The following MAX variants were observed in gnomAD, a reference collection of about 807,000 sequenced individuals.
MAX encodes the protein protein max.
Under a neutral mutation model 22.3 loss-of-function variants are expected in MAX, and 3 were observed. The ratio of observed to expected loss-of-function variants is 0.13; its 90% CI spans 0.06 to 0.35. The LOEUF (loss-of-function observed/expected upper bound fraction) is 0.35, where lower values mean the gene tolerates loss of function less well. MAX is among the 10% of genes least tolerant of loss of function. The pLI, the probability that MAX is intolerant of heterozygous loss-of-function variation, is 1.00. For synonymous variants in MAX, 72 were observed against 77.7 expected, an observed-to-expected ratio of 0.93 and a Z score of 0.39; for missense variants, 119 against 209.4, an observed-to-expected ratio of 0.57 and a Z score of 2.66.
chr14:65,077,240 C>G lies in MAX; in HGVS notation c.296-577G>C. ...GTAACCAACCCACTGACACCACCCA[C>G]TGCCCATCCCTTGGTTCAGCTCAGC... On this transcript the variant is annotated intron_variant, in intron 4 of 4. Transcript: ENST00000358664. This position sits in a 1 kb window ranked among gnomAD's most constrained non-coding sequence, Gnocchi z 6.3. 1.2e-6 allele frequency: 1 copy of G among 851,506 alleles called. No individual in the cohort carries two copies. Among genetic ancestry groups the G allele is most frequent in the Middle Eastern group, 3.0e-4 (1 of 3,292 alleles). The allele number at this position is 851,506 out of a possible 1,614,324, so 52.7% of individuals were successfully genotyped here.
At position 65,093,454 on chromosome 14, in the gene MAX, A is replaced by C. The variant is rs755422746; in HGVS notation, c.171+254T>G. ...GTTATAATTTCTTGAATTTATTACAAATAATACAAATTTTAAAAGATAACT... is the reference window on the plus strand; with the variant it reads ...GTTATAATTTCTTGAATTTATTACACATAATACAAATTTTAAAAGATAACT... On this transcript the variant is annotated intron_variant, in intron 3 of 4. Coordinates refer to ENST00000358664, the MANE Select transcript of MAX (RefSeq NM_002382.5). The surrounding 1 kb of genome is among the most constrained non-coding windows in gnomAD (Gnocchi z 4.4). 3.8e-5 allele frequency: 19 copies of C among 500,284 alleles called. No homozygotes were observed. Among genetic ancestry groups the C allele is most frequent in the Non-Finnish European group, 6.5e-5 (18 of 275,476 alleles). The allele number at this position is 500,284 out of a possible 1,614,324, so 31.0% of individuals were successfully genotyped here.
At chr14:65,102,656 C>G (rs2063886004), upstream of MAX, 1 of 1,082,852 alleles carries the variant, frequency 9.2e-7, no homozygotes, top group African/African-American at 1.6e-5. Context: ...AACTACAAAT[C>G]CCGGAAGAAA....
intron 3 of MAX, among the ~76,000 whole-genome samples, chr14:65,041,639 C>T (rs367759258): frequency 6.6e-6 from 1 of 152,162 alleles, no homozygotes; most frequent in African/African-American, 2.4e-5. Context: ...TCCCGTTATG[C>T]GGCCCATCGT....
rs115532637 is a variant in MAX, at chr14:65,017,928, C to T, written c.172-11644G>A. Among the ~76,000 whole-genome samples the T allele has an allele frequency of 6.6e-3, 1,001 of 152,106 alleles. 11 individuals are homozygous for T. Among genetic ancestry groups the T allele is most frequent in the African/African-American group, 0.022 (922 of 41,468 alleles). ...CGAGATTGCGCCTTTGCACTCCAGTCCGGGCAACAGAGTGACACTCCATCT... is the reference window on the plus strand; with the variant it reads ...CGAGATTGCGCCTTTGCACTCCAGTTCGGGCAACAGAGTGACACTCCATCT... On this transcript the variant is annotated intron_variant, in intron 3 of 3. Coordinates refer to the MAX transcript ENST00000341653.
chr14:65,041,644 C>T (rs1380412780), intron 3 of MAX, among the ~76,000 whole-genome samples: 1 of 152,194 alleles, frequency 6.6e-6, no homozygotes, highest in Non-Finnish European at 1.5e-5. Context: ...TTATGCGGCC[C>T]ATCGTGAGCT....
chr14:65,028,187 T>C lies in MAX; in HGVS notation c.172-21903A>G, dbSNP rs144930670. Among the ~76,000 whole-genome samples the C allele has an allele frequency of 3.7e-3, 561 of 152,266 alleles. 6 individuals carry two copies. Among genetic ancestry groups the C allele is most frequent in the African/African-American group, 0.012 (515 of 41,546 alleles). ...TGAATTTGATGAAATCATGAGAATG[T>C]CTAATCCCTGAGGTCCTCCTGAGGC... On this transcript the variant is annotated intron_variant, in intron 3 of 3. Coordinates refer to the MAX transcript ENST00000341653. The surrounding 1 kb of genome is among the most constrained non-coding windows in gnomAD (Gnocchi z 4.4).
rs1485022595 is a variant in MAX at position 65,047,891 on chromosome 14, C to T, written c.172-41607G>A. On this transcript the variant is annotated intron_variant, in intron 3 of 3. Coordinates refer to the MAX transcript ENST00000341653. The surrounding 1 kb of genome is among the most constrained non-coding windows in gnomAD (Gnocchi z 5.2). ...CAGCCCGAGATGTACACAGCTTTTC[C>T]TGGAACCCTACACAAAACCCCTTGA... is the stretch of plus-strand genomic sequence containing the variant. Among the ~76,000 whole-genome samples, 13 of 152,104 alleles carry T rather than the reference C, an allele frequency of 8.5e-5. No individual in the cohort carries two copies.
Position 65,054,444 on chromosome 14 carries a change from T to G in MAX, c.171+39264A>C, listed in dbSNP as rs1428588025. ...TTAAATAACACTGCTGGGAAAACCA[T>G]GCCTCCTCTAGCCACATGGAGGATG... On this transcript the variant is annotated intron_variant, in intron 3 of 3. Transcript: ENST00000341653. The surrounding 1 kb of genome is among the most constrained non-coding windows in gnomAD (Gnocchi z 4.4). The G allele has an allele frequency of 1.1e-6, 1 of 885,090 alleles. No individual in the cohort carries two copies. The highest frequency in any genetic ancestry group is 1.7e-5 in the African/African-American group (1 of 57,910). The allele number at this position is 885,090 out of a possible 1,614,324, so 54.8% of individuals were successfully genotyped here.
intron 2 of MAX, 79 bp downstream of exon 2, chr14:65,101,467 C>G: frequency 5.6e-6 from 7 of 1,248,578 alleles, no homozygotes; most frequent in Non-Finnish European, 6.9e-6. Context: ...AGTAATAGTA[C>G]GATCTCTTTT....
downstream of MAX, chr14:65,006,156 CTTTT>C (rs367570902): frequency 6.5e-4 from 966 of 1,491,312 alleles, no homozygotes; most frequent in South Asian, 1.1e-3. Flanking sequence ...ACCTTTGTGT[CTTTT>C]TTTTTTTTTT....
intron 1 of MAX, 65 bp downstream of exon 1, chr14:65,102,239 T>C: frequency 1.2e-6 from 2 of 1,604,542 alleles, no homozygotes; most frequent in Middle Eastern, 1.7e-4. Context: ...GTCGCCCCGC[T>C]AAGAGCCCCG....
At chr14:65,087,804 T>G (rs996089817) in intron 3 of MAX, among the ~76,000 whole-genome samples, 4 of 152,014 alleles carry the variant, frequency 2.6e-5, no homozygotes, top group Admixed American at 6.6e-5. Context: ...GGACATGAGA[T>G]TTGGGAGGGG....
chr14:65,094,190 C>G, intron 2 of MAX: 1 of 323,258 alleles, frequency 3.1e-6, no homozygotes, highest in Non-Finnish European at 6.1e-6. Flanking sequence ...GCTCCAGTGG[C>G]CCCTTCTTAA....
intron 3 of MAX, among the ~76,000 whole-genome samples, chr14:65,025,198 G>A (rs1044452730): frequency 6.6e-6 from 1 of 152,172 alleles, no homozygotes; most frequent in African/African-American, 2.4e-5. Context: ...TGGTATCAAG[G>A]TGTGTCTGGT....
Position 65,077,950 on chromosome 14 carries a change from G to C in MAX, c.258C>G (p.Asp86Glu), listed in dbSNP as rs780385213. The stretch of plus-strand genomic sequence containing the variant: ...GAAGAGCATTCTGCCGCTTGAGGTC[G>C]TCAATATCTTGCTGGTGTGTGTGGT... ...RKNHTHQQDI[D>E]DLKRQNALLE... is the part of the protein sequence containing the mutation. Residue 86 changes from aspartate (D) to glutamate (E), a missense_variant, in exon 4 of 5, where the codon GAC (aspartate) becomes GAG (glutamate). This residue lies in a region of MAX where 95 missense variants were observed against 148.1 expected (regional missense o/e 0.64). Coordinates refer to ENST00000358664, the MANE Select transcript of MAX (RefSeq NM_002382.5). The surrounding 1 kb of genome is among the most constrained non-coding windows in gnomAD (Gnocchi z 6.3). The C allele has an allele frequency of 6.2e-7, 1 of 1,614,198 alleles. No individual in the cohort carries two copies. The highest frequency in any genetic ancestry group is 2.2e-5 in the East Asian group (1 of 44,880).
At chr14:65,036,451 G>C (rs2062195596) in intron 3 of MAX, among the ~76,000 whole-genome samples, 1 of 151,930 alleles carries the variant, frequency 6.6e-6, no homozygotes, top group African/African-American at 2.4e-5. Flanking sequence ...TGCCCAGGCT[G>C]GTCTTAAACC....
chr14:65,006,542 A>G (rs1365568677), intron 3 of MAX, among the ~76,000 whole-genome samples: 1 of 152,110 alleles, frequency 6.6e-6, no homozygotes, highest in East Asian at 1.9e-4. Flanking sequence ...GCCTCCCCAG[A>G]GGGGACAAGA....
At chr14:65,022,252 T>C in intron 3 of MAX, 1 of 330,824 alleles carries the variant, frequency 3.0e-6, no homozygotes, top group Non-Finnish European at 6.0e-6. Flanking sequence ...TGGATGACTG[T>C]TCCTATTTCC....
chr14:65,011,431 GAAAAAA>G lies in MAX; in HGVS notation c.172-5153_172-5148del, dbSNP rs767329195. 9.4e-4 allele frequency among the ~76,000 whole-genome samples: 75 copies of G among 80,082 alleles called. No homozygotes were observed. In the East Asian group the frequency reaches 0.023, roughly 24 times the overall value. 52.5% of individuals were successfully genotyped at this position (80,082 alleles called of 152,430 possible). On this transcript the variant is annotated intron_variant, in intron 3 of 3. Coordinates refer to the MAX transcript ENST00000341653. This position sits in a 1 kb window ranked among gnomAD's most constrained non-coding sequence, Gnocchi z 4.0. The stretch of plus-strand genomic sequence containing the variant: ...GTGACAGAGCGAGACTCCGTCTCAG[GAAAAAA>G]AAAAAAAAAAAAAAAGACTGCATGA...
Sources: allele counts gnomAD v4.1 joint callset (sites outside exome capture counted in the v4.1 genomes callset), GRCh38; gene constraint gnomAD v4.1.1; regional missense constraint gnomAD v4.1.1; non-coding constraint Gnocchi (gnomAD v3.1); transcripts MANE v1.5; gene names NCBI Gene and HGNC (gene_info 2026-07-23, HGNC 2026-07-21).